MINK1: variants seen among roughly 807,000 people sequenced by gnomAD.
MINK1 encodes misshapen-like kinase 1.
Under a neutral mutation model 178.4 loss-of-function variants are expected in MINK1, and 46 were observed. The observed-to-expected ratio is 0.26, with a 90% confidence interval of 0.20 to 0.33. The LOEUF is 0.33. MINK1 is among the 10% of genes least tolerant of loss of function. The pLI, the probability that MINK1 is intolerant of heterozygous loss-of-function variation, is 1.00. For missense variants in MINK1, 1,366 were observed against 1,814.9 expected, an observed-to-expected ratio of 0.75 and a Z score of 4.49; for synonymous variants, 797 against 709.7, an observed-to-expected ratio of 1.12 and a Z score of -1.96.
Position 4,886,315 on chromosome 17 carries a change from G to T in MINK1, c.773+117G>T. The T allele has an allele frequency of 6.6e-7, 1 of 1,506,438 alleles. No individual in the cohort carries two copies. The highest frequency in any genetic ancestry group is 9.2e-7 in the Non-Finnish European group (1 of 1,085,474). 93.3% of individuals were successfully genotyped at this position (1,506,438 alleles called of 1,614,324 possible). A position where few individuals can be genotyped will look rare whatever the true frequency, so the allele number is the denominator to read the frequency against. On this transcript the variant is annotated intron_variant, in intron 9 of 31. Transcript: ENST00000355280. The surrounding 1 kb of genome is among the most constrained non-coding windows in gnomAD (Gnocchi z 6.1). ...ACCAGAGAAGAGATTCTGGGGGGCA[G>T]AGGGCGGTGACTGGTGTTGGGATAT...
intron 4 of MINK1, 21 bp from the exon 5 acceptor site, chr17:4,884,342 G>C (rs199709177): frequency 1.9e-6 from 3 of 1,603,238 alleles, no homozygotes; most frequent in Admixed American, 3.3e-5. Flanking sequence ...TTTTCCTTTC[G>C]GTACCTTCCT....
In MINK1 at chr17:4,894,976, G is replaced by C; in HGVS notation, c.2918-99G>C. ...CTCCTGTCTTTCTCCTCCTTTCTGC[G>C]TATTATGAGGTGCCAAGACCTGATA... is the stretch of plus-strand genomic sequence containing the variant. On this transcript the variant is annotated intron_variant, in intron 24 of 31. Transcript: ENST00000355280. This position sits in a 1 kb window ranked among gnomAD's most constrained non-coding sequence, Gnocchi z 4.1. The C allele has an allele frequency of 7.9e-7, 1 of 1,271,278 alleles. No individual in the cohort carries two copies. The highest frequency in any genetic ancestry group is 1.1e-6 in the Non-Finnish European group (1 of 911,302). 78.7% of individuals were successfully genotyped at this position (1,271,278 alleles called of 1,614,324 possible).
intron 1 of MINK1, chr17:4,859,252 C>G (rs1436203950): frequency 3.0e-6 from 3 of 985,218 alleles, no homozygotes; most frequent in Non-Finnish European, 3.6e-6. Context: ...TGGAAGCTCC[C>G]TAGAATCTCC....
chr17:4,887,394 A>T lies in MINK1; in HGVS notation c.1020-186A>T, dbSNP rs1165034960. Reference sequence around the variant, plus strand: ...TGTGGTGAATGTGGGGCGCAGCAGTAATAGGAAAGGAGGACAGGACTGAAG... The same window carrying T: ...TGTGGTGAATGTGGGGCGCAGCAGTTATAGGAAAGGAGGACAGGACTGAAG... On this transcript the variant is annotated intron_variant, in intron 11 of 31. Coordinates refer to ENST00000355280, the MANE Select transcript of MINK1 (RefSeq NM_153827.5). The surrounding 1 kb of genome is among the most constrained non-coding windows in gnomAD (Gnocchi z 7.6). Among the ~76,000 whole-genome samples the T allele has an allele frequency of 6.6e-6, 1 of 152,136 alleles. No individual in the cohort carries two copies. The highest frequency in any genetic ancestry group is 1.5e-5 in the Non-Finnish European group (1 of 68,018).
intron 20 of MINK1, 165 bp from the exon 21 acceptor site, chr17:4,893,269 C>T (rs748767059): frequency 6.2e-7 from 1 of 1,613,630 alleles, no homozygotes; most frequent in Non-Finnish European, 8.5e-7. Flanking sequence ...TCTTTCTTCC[C>T]CTGCGGCCCC....
At chr17:4,856,084 C>G (rs937338747) in intron 1 of MINK1, among the ~76,000 whole-genome samples, 5 of 152,058 alleles carry the variant, frequency 3.3e-5, no homozygotes, top group Admixed American at 2.6e-4. Flanking sequence ...TGGAGAGATG[C>G]TGGTGACCCC....
chr17:4,871,566 C>A (rs1263967390), intron 1 of MINK1, among the ~76,000 whole-genome samples: 1 of 152,006 alleles, frequency 6.6e-6, no homozygotes, highest in East Asian at 1.9e-4. Flanking sequence ...CCACATTTAT[C>A]TGTTCATCAG....
At chr17:4,850,272 A>T (rs911799869) in intron 1 of MINK1, among the ~76,000 whole-genome samples, 22 of 152,106 alleles carry the variant, frequency 1.4e-4, no homozygotes, top group African/African-American at 5.1e-4. Context: ...TTTGGCATGA[A>T]AGGTGTCTGG....
At chr17:4,864,783 T>G (rs186360307) in intron 1 of MINK1, among the ~76,000 whole-genome samples, 181 of 152,286 alleles carry the variant, frequency 1.2e-3, no homozygotes, top group Admixed American at 3.6e-3. Flanking sequence ...ATGGCCGATA[T>G]GGGCAAGCTC....
At chr17:4,866,571 A>C (rs1227130881) in intron 1 of MINK1, among the ~76,000 whole-genome samples, 1 of 151,624 alleles carries the variant, frequency 6.6e-6, no homozygotes, top group Non-Finnish European at 1.5e-5. Flanking sequence ...AGAATAAGAA[A>C]CCAAATTCTG....
chr17:4,892,460 C>G lies in MINK1; in HGVS notation c.2146C>G (p.Pro716Ala), dbSNP rs1968949080. The G allele has an allele frequency of 2.6e-6, 4 of 1,565,902 alleles. No individual in the cohort carries two copies. The highest frequency in any genetic ancestry group is 1.7e-6 in the Non-Finnish European group (2 of 1,156,216). ...GCAAAGGCGGGCAGAGCGGGGCACCCCAAAGCCTCCAGGGCCCCCTGCTCA... is the reference window on the plus strand; with the variant it reads ...GCAAAGGCGGGCAGAGCGGGGCACCGCAAAGCCTCCAGGGCCCCCTGCTCA... ...YLQRRAERGT[P>A]KPPGPPAQPP... Residue 716 changes from proline (P) to alanine (A), a missense_variant, in exon 18 of 32, where the codon CCA becomes GCA. Pro to Ala is a conservative substitution (Grantham distance 27). Coordinates refer to ENST00000355280, the MANE Select transcript of MINK1 (RefSeq NM_153827.5).
rs772451241 is a variant in MINK1 at position 4,891,675 on chromosome 17, C to T, written c.1960C>T (p.Pro654Ser). ...TSEGPGPSPN[P>S]PAWVRPDNEA... ...TGAAGGACCTGGCCCCAGCCCGAATCCCCCAGCCTGGGTCCGCCCAGATAA... is the reference window on the plus strand; with the variant it reads ...TGAAGGACCTGGCCCCAGCCCGAATTCCCCAGCCTGGGTCCGCCCAGATAA... Residue 654 changes from proline to serine, a missense_variant, in exon 16 of 32, where the codon CCC becomes TCC. Coordinates refer to ENST00000355280, the MANE Select transcript of MINK1 (RefSeq NM_153827.5). 2 of 1,601,672 alleles carry T rather than the reference C, an allele frequency of 1.2e-6. No individual in the cohort carries two copies. The highest frequency in any genetic ancestry group is 2.3e-5 in the East Asian group (1 of 44,408).
intron 1 of MINK1, among the ~76,000 whole-genome samples, chr17:4,841,165 T>G (rs1384822062): frequency 6.6e-6 from 1 of 152,154 alleles, no homozygotes; most frequent in East Asian, 1.9e-4. Flanking sequence ...TGACTCAGTA[T>G]GTACACGTAG....
chr17:4,871,081 T>G (rs1316886675), intron 1 of MINK1: 3 of 372,006 alleles, frequency 8.1e-6, no homozygotes, highest in Non-Finnish European at 1.7e-5. Flanking sequence ...TATGTGGCCT[T>G]TTGTGACTAG....
intron 1 of MINK1, among the ~76,000 whole-genome samples, chr17:4,859,965 G>A (rs924245787): frequency 6.6e-6 from 1 of 151,184 alleles, no homozygotes; most frequent in African/African-American, 2.4e-5. Context: ...GGGAAGGGGC[G>A]CGTCCGGGAA....
At chr17:4,847,202 G>T (rs756460856) in intron 1 of MINK1, 4 of 479,804 alleles carry the variant, frequency 8.3e-6, no homozygotes, top group East Asian at 1.2e-4. Flanking sequence ...ATGAGGAGCC[G>T]GGTGACCTGG....
At position 4,892,170 on chromosome 17, in the gene MINK1, A is replaced by G. The variant is rs373561698; in HGVS notation, c.2023A>G (p.Ile675Val). Residue 675 changes from isoleucine (I) to valine (V), a missense_variant, in exon 17 of 32, where the codon ATC becomes GTC. Ile to Val is a conservative substitution (Grantham distance 29). Around this residue, in one of 14 missense-constraint regions of MINK1, gnomAD observed 709 missense variants for 692.3 expected, o/e 1.02. Transcript: ENST00000355280. ...PPKVPQRTSS[I>V]ATALNTSGAG... The stretch of plus-strand genomic sequence containing the variant: ...ACAGGTGCCTCAGAGGACCTCATCT[A>G]TCGCCACTGCCCTTAACACCAGTGG... 4.9e-5 allele frequency: 79 copies of G among 1,600,682 alleles called. No individual in the cohort carries two copies. Among genetic ancestry groups the G allele is most frequent in the African/African-American group, 1.6e-4 (12 of 74,566 alleles).
intron 18 of MINK1, 22 bp downstream of exon 18, chr17:4,892,534 T>A: frequency 6.5e-7 from 1 of 1,539,688 alleles, no homozygotes; most frequent in Non-Finnish European, 8.8e-7. Context: ...GTCCCCCAAC[T>A]CACTCTCACC....
chr17:4,875,203 CTT>C (rs1304871228), intron 1 of MINK1: 3 of 519,350 alleles, frequency 5.8e-6, no homozygotes, highest in South Asian at 4.2e-5. Flanking sequence ...GATGAGATGA[CTT>C]TTTTCAGGTT....
Sources: gnomAD v4.1 joint callset for allele counts (sites outside exome capture counted in the v4.1 genomes callset) on GRCh38, gnomAD v4.1.1 for gene constraint, gnomAD v4.1.1 regional missense constraint, Gnocchi (gnomAD v3.1) non-coding constraint, MANE v1.5 for transcripts, NCBI Gene and HGNC (gene_info 2026-07-23, HGNC 2026-07-21) for gene names.